ARAP2: variants seen among roughly 807,000 people sequenced by gnomAD.
ARAP2 encodes ArfGAP with RhoGAP domain, ankyrin repeat and PH domain 2.
Under a neutral mutation model 194.5 loss-of-function variants are expected in ARAP2, and 148 were observed. That is an observed-to-expected ratio of 0.76 (90% CI 0.67 to 0.87). The LOEUF is 0.87. ARAP2 is among the 40% of genes least tolerant of loss of function. ARAP2 has a pLI of 0.00. For synonymous variants in ARAP2, 695 were observed against 683.5 expected, an observed-to-expected ratio of 1.02 and a Z score of -0.26; for missense variants, 2,128 against 1,989.7, an observed-to-expected ratio of 1.07 and a Z score of -1.32.
At chr4:36,172,924 C>T (rs891366369) in intron 9 of ARAP2, among the ~76,000 whole-genome samples, 7 of 152,160 alleles carry the variant, frequency 4.6e-5, no homozygotes, top group Non-Finnish European at 8.8e-5. Flanking sequence ...GCCACACAAC[C>T]CATCGCCCTA....
At chr4:36,240,876 T>C (rs1247984128) in intron 1 of ARAP2, among the ~76,000 whole-genome samples, 1 of 152,216 alleles carries the variant, frequency 6.6e-6, no homozygotes, top group Admixed American at 6.5e-5. Context: ...AGGCCACAAG[T>C]ACAAATTCCT....
intron 27 of ARAP2, among the ~76,000 whole-genome samples, chr4:36,106,587 C>T (rs748769328): frequency 1.3e-5 from 2 of 151,920 alleles, no homozygotes; most frequent in East Asian, 3.9e-4. Flanking sequence ...GAGTAGTTTA[C>T]AGCACTGAAG....
chr4:36,187,581 T>A lies in ARAP2; in HGVS notation c.1558-10A>T. 6.5e-7 allele frequency: 1 copy of A among 1,531,892 alleles called. No homozygotes were observed. The allele number at this position is 1,531,892 out of a possible 1,614,324, so 94.9% of individuals were successfully genotyped here. ...CTTTCGAATACATCTCCTGTATTGGTTAGAAAAAAAGAGAAGACATATGAA... is the reference window on the plus strand; with the variant it reads ...CTTTCGAATACATCTCCTGTATTGGATAGAAAAAAAGAGAAGACATATGAA... On this transcript the variant is annotated splice_polypyrimidine_tract_variant and intron_variant, in intron 7 of 32. Transcript: ENST00000303965.
intron 13 of ARAP2, 118 bp downstream of exon 13, chr4:36,160,341 A>G: frequency 7.9e-7 from 1 of 1,258,238 alleles, no homozygotes; most frequent in South Asian, 2.5e-5. Context: ...AAAAGGAAAT[A>G]AAATAAAATT....
intron 6 of ARAP2, among the ~76,000 whole-genome samples, chr4:36,208,815 C>A (rs569235144): frequency 6.7e-6 from 1 of 149,464 alleles, no homozygotes; most frequent in South Asian, 2.1e-4. Context: ...CCACTCATCT[C>A]GGTATTTTGG....
chr4:36,037,461 T>G (rs922890500), intron 5 of ARAP2, among the ~76,000 whole-genome samples: 1 of 152,122 alleles, frequency 6.6e-6, no homozygotes, highest in Non-Finnish European at 1.5e-5. Flanking sequence ...AAGTCTGTCT[T>G]TCAAAATAAA....
chr4:36,107,920 C>T (rs1718847206), intron 26 of ARAP2, among the ~76,000 whole-genome samples: 1 of 151,838 alleles, frequency 6.6e-6, no homozygotes, highest in African/African-American at 2.4e-5. Context: ...ATAAATTAAT[C>T]ATGCAGGAAT....
intron 7 of ARAP2, among the ~76,000 whole-genome samples, chr4:36,191,483 C>T (rs577028725): frequency 6.7e-6 from 1 of 150,218 alleles, no homozygotes; most frequent in South Asian, 2.1e-4. Flanking sequence ...GTCACTAAAA[C>T]CTCAGAATGT....
chr4:36,108,209 T>G (rs1718934897), intron 26 of ARAP2, among the ~76,000 whole-genome samples: 1 of 151,932 alleles, frequency 6.6e-6, no homozygotes, highest in African/African-American at 2.4e-5. Context: ...TCTAACCTCT[T>G]TTGTAGATAA....
intron 22 of ARAP2, among the ~76,000 whole-genome samples, chr4:36,124,636 T>A (rs1400847373): frequency 6.6e-6 from 1 of 151,762 alleles, no homozygotes. Flanking sequence ...ACCAAGTGAG[T>A]TTTTAAATTC....
chr4:36,061,516 T>C (rs1188505320), downstream of ARAP2, among the ~76,000 whole-genome samples: 1 of 152,250 alleles, frequency 6.6e-6, no homozygotes, highest in Non-Finnish European at 1.5e-5. Flanking sequence ...ATTCTTTTTA[T>C]GGATGAATCG....
intron 6 of ARAP2, among the ~76,000 whole-genome samples, chr4:36,203,762 C>T (rs1166948513): frequency 2.6e-5 from 4 of 152,006 alleles, no homozygotes; most frequent in Non-Finnish European, 4.4e-5. Flanking sequence ...TCAGAGCCTA[C>T]GGTGCTTCCG....
chr4:36,091,894 TAAAG>T lies in ARAP2; in HGVS notation c.4408_4411del (p.Leu1470ThrfsTer4). ...CAAATACTATACCTTCACATCCTTG[TAAAG>T]AAAGAGAAACCCATCTCGTAAAACA... On this transcript the variant is annotated frameshift_variant, in exon 28 of 33. Coordinates refer to ENST00000303965, the MANE Select transcript of ARAP2 (RefSeq NM_015230.4). LOFTEE classifies it high-confidence loss of function. The T allele has an allele frequency of 6.2e-7, 1 of 1,604,516 alleles. No individual in the cohort carries two copies. The highest frequency in any genetic ancestry group is 8.5e-7 in the Non-Finnish European group (1 of 1,172,986).
intron 1 of ARAP2, among the ~76,000 whole-genome samples, chr4:36,235,613 G>A (rs1398539827): frequency 3.9e-5 from 6 of 152,288 alleles, no homozygotes; most frequent in Non-Finnish European, 8.8e-5. Context: ...GAGAGGTCAG[G>A]GATCTTGTCT....
At chr4:36,046,002 T>C (rs1411643001) in exon 5 of ARAP2, 3 of 152,208 alleles carry the variant, frequency 2.0e-5, no homozygotes, top group South Asian at 4.1e-4. Flanking sequence ...TGTTAAGTTT[T>C]AGAGCTTCAG....
chr4:36,133,183 A>G, intron 20 of ARAP2, 43 bp downstream of exon 20: 1 of 1,588,750 alleles, frequency 6.3e-7, no homozygotes. Flanking sequence ...TAAGAACGAT[A>G]CAATCAGTTC....
chr4:36,119,618 A>C, intron 24 of ARAP2, 32 bp downstream of exon 24: 4 of 1,470,798 alleles, frequency 2.7e-6, no homozygotes, highest in Non-Finnish European at 3.8e-6. Context: ...TGTTTTGTTT[A>C]ATTATTTAGA....
chr4:36,116,872 A>C (rs1721482328), intron 25 of ARAP2, among the ~76,000 whole-genome samples, 189 bp downstream of exon 25: 1 of 151,796 alleles, frequency 6.6e-6, no homozygotes, highest in South Asian at 2.1e-4. Context: ...AAAGCACATA[A>C]GATGTTCTCT....
At chr4:36,014,328 A>AG (rs1715326718) in intron 8 of ARAP2, among the ~76,000 whole-genome samples, 2 of 39,318 alleles carry the variant, frequency 5.1e-5, no homozygotes, top group African/African-American at 1.9e-4. Flanking sequence ...GAAAGAGAGA[A>AG]AGAAAGAAAG....
Sources: allele counts gnomAD v4.1 joint callset (sites outside exome capture counted in the v4.1 genomes callset), GRCh38; gene constraint gnomAD v4.1.1; transcripts MANE v1.5; gene names NCBI Gene and HGNC (gene_info 2026-07-23, HGNC 2026-07-21).